AARS1: variants seen among roughly 807,000 people sequenced by gnomAD.
AARS1 encodes alanine--tRNA ligase, cytoplasmic.
Under a neutral mutation model 108.9 loss-of-function variants are expected in AARS1, and 72 were observed. The observed-to-expected ratio is 0.66, with a 90% CI of 0.55 to 0.80. The LOEUF is 0.80. Among genes scored for constraint, AARS1 ranks in the 30% least tolerant of loss-of-function variants. AARS1 has a pLI of 0.00. For missense variants in AARS1, 1,193 were observed against 1,233.2 expected (o/e 0.97, Z 0.49); for synonymous variants, 489 against 465.7 (o/e 1.05, Z -0.64).
intron 16 of AARS1, among the ~76,000 whole-genome samples, chr16:70,255,065 C>A (rs1959947596): frequency 6.6e-6 from 1 of 152,174 alleles, no homozygotes; most frequent in East Asian, 1.9e-4. Context: ...CCATCCTCTA[C>A]TGCACGGCCT....
intron 11 of AARS1, among the ~76,000 whole-genome samples, chr16:70,263,902 G>A (rs1960204463): frequency 6.6e-6 from 1 of 152,102 alleles, no homozygotes; most frequent in Non-Finnish European, 1.5e-5. Context: ...ATCCCGAAGT[G>A]CTGGGATTAC....
intron 11 of AARS1, 68 bp from the exon 12 acceptor site, chr16:70,262,592 C>T (rs979254152): frequency 1.3e-5 from 19 of 1,487,350 alleles, no homozygotes; most frequent in Non-Finnish European, 1.1e-5. Context: ...TCTTGGCTGA[C>T]TTTTGCTGGA....
rs147048285 is a variant in AARS1, at chr16:70,260,631, G to A, written c.1785+413C>T. On this transcript the variant is annotated intron_variant, in intron 13 of 20. Coordinates refer to ENST00000261772, the MANE Select transcript of AARS1 (RefSeq NM_001605.3). ...CAAATGCACCTAAATTAACCCCTGCGGTCTACTTACACTAGGGAGTGATAA... is the reference window on the plus strand; with the variant it reads ...CAAATGCACCTAAATTAACCCCTGCAGTCTACTTACACTAGGGAGTGATAA... Among the ~76,000 whole-genome samples the A allele has an allele frequency of 4.2e-3, 627 of 148,778 alleles. 4 individuals are homozygous for A. Among genetic ancestry groups the A allele is most frequent in the African/African-American group, 0.016 (593 of 38,214 alleles).
intron 12 of AARS1, 180 bp from the exon 13 acceptor site, chr16:70,261,337 T>G (rs527731704): frequency 1.4e-5 from 7 of 483,100 alleles, no homozygotes; most frequent in South Asian, 1.1e-4. Flanking sequence ...GGCTCATGAC[T>G]GTAATCCCAG....
At chr16:70,266,239 G>A (rs989066937) in intron 9 of AARS1, among the ~76,000 whole-genome samples, 55 of 152,156 alleles carry the variant, frequency 3.6e-4, no homozygotes, top group Non-Finnish European at 4.9e-4. Context: ...GCGTGAACCC[G>A]GGAGGTGGAG....
rs776244452 is a variant in AARS1 at position 70,261,070 on chromosome 16, C to G, written c.1759G>C (p.Asp587His). The G allele has an allele frequency of 6.2e-7, 1 of 1,613,614 alleles. No individual in the cohort carries two copies. Among genetic ancestry groups the G allele is most frequent in the South Asian group, 1.1e-5 (1 of 91,068 alleles). ...GTIYGDLKVGDQVWLFIDEPR... is the reference protein window; with the variant it reads ...GTIYGDLKVGHQVWLFIDEPR... ...TCATCAATAAACAGCCAGACCTGATCCCCCACTTTCAGGTCACCGTAGATG... is the reference window on the plus strand; with the variant it reads ...TCATCAATAAACAGCCAGACCTGATGCCCCACTTTCAGGTCACCGTAGATG... The change falls in exon 13 of 21, where the codon GAT becomes CAT. Residue 587 changes from aspartate to histidine, a missense_variant. Asp to His is a moderately conservative substitution (Grantham distance 81). Coordinates refer to ENST00000261772, the MANE Select transcript of AARS1 (RefSeq NM_001605.3).
At position 70,262,511 on chromosome 16, in the gene AARS1, T is replaced by C. The variant is rs752206112; in HGVS notation, c.1506A>G (p.Thr502=). The C allele has an allele frequency of 1.9e-6, 3 of 1,613,128 alleles. No individual in the cohort carries two copies. The highest frequency in any genetic ancestry group is 2.2e-5 in the South Asian group (2 of 91,070). The change falls in exon 12 of 21, where the codon ACA becomes ACG. Residue 502 remains threonine (T), a synonymous_variant. Transcript: ENST00000261772. ...DSSGSYVFEN[T]VATVMALRRE... ...TGCGCAGAGCCATCACCGTAGCCAC[T>C]GTGTTCTCAAATACTGCTCAAGGGA... is the stretch of plus-strand genomic sequence containing the variant.
At chr16:70,262,995 A>AAAAAAAAAAAAAAAAAAC (rs1174659809) in intron 11 of AARS1, among the ~76,000 whole-genome samples, 2 of 128,676 alleles carry the variant, frequency 1.6e-5, no homozygotes, top group Non-Finnish European at 1.5e-5. Flanking sequence ...AAAAAAAAAA[A>AAAAAAAAAAAAAAAAAAC]AAACAACAAC....
chr16:70,265,082 T>A lies in AARS1; in HGVS notation c.1368A>T (p.Gly456=). 6.2e-7 allele frequency: 1 copy of A among 1,614,030 alleles called. No individual in the cohort carries two copies. The highest frequency in any genetic ancestry group is 1.7e-5 in the Admixed American group (1 of 59,988). Residue 456 remains glycine, a synonymous_variant, in exon 11 of 21, where the codon GGA becomes GGT. Transcript: ENST00000261772. ...GCATAATGAGGTCTTCCCCACCAGC[T>A]CCCTTGCCCTGTGATTTCAGCTGTC... ...KLAQLKSQGK[G]AGGEDLIMLD... is the part of the protein sequence containing the mutation.
intron 4 of AARS1, among the ~76,000 whole-genome samples, chr16:70,273,567 A>C (rs1214836315): frequency 6.6e-6 from 1 of 152,010 alleles, no homozygotes; most frequent in Non-Finnish European, 1.5e-5. Context: ...AAAATACAAA[A>C]ATTAGCCAGA....
In AARS1 at chr16:70,271,950, G is replaced by A; in HGVS notation, c.502C>T (p.Pro168Ser). The A allele has an allele frequency of 1.2e-6, 2 of 1,613,718 alleles. No individual in the cohort carries two copies. The highest frequency in any genetic ancestry group is 1.7e-6 in the Non-Finnish European group (2 of 1,179,754). The change falls in exon 5 of 21, where the codon CCA becomes TCA. Residue 168 changes from proline to serine, a missense_variant. Physicochemically the swap from Pro to Ser is moderately conservative, Grantham distance 74 (BLOSUM62 -1). Transcript: ENST00000261772. ...CAGAAGTTATCCTTCATGTTGCCTG[G>A]GAGGATTTTGGTGTCATCCAGCCTG... ...NLGLDDTKILPGNMKDNFWEM... is the reference protein window; with the variant it reads ...NLGLDDTKILSGNMKDNFWEM...
At chr16:70,254,126 C>G in intron 17 of AARS1, 88 bp from the exon 18 acceptor site, 1 of 1,565,192 alleles carries the variant, frequency 6.4e-7, no homozygotes, top group South Asian at 1.1e-5. Context: ...CCAAGTCCTC[C>G]CTGACTAGTG....
Position 70,282,850 on chromosome 16 carries a change from G to C in AARS1, c.-21-66C>G, listed in dbSNP as rs1960738093. ...GAAAGTCAAAGTACACATTACACAA[G>C]ACTTCTGGCTTCTCAAGCCAAGTCA... On this transcript the variant is annotated intron_variant, in intron 1 of 20. Transcript: ENST00000261772. 2.6e-6 allele frequency: 4 copies of C among 1,521,670 alleles called. No homozygotes were observed. In the Admixed American group the frequency reaches 5.0e-5, roughly 19 times the overall value. 94.3% of individuals were successfully genotyped at this position (1,521,670 alleles called of 1,614,324 possible). A position where few individuals can be genotyped will look rare whatever the true frequency, so the allele number is the denominator to read the frequency against.
At chr16:70,259,878 T>C (rs1235207588) in intron 13 of AARS1, among the ~76,000 whole-genome samples, 6 of 152,168 alleles carry the variant, frequency 3.9e-5, no homozygotes, top group Admixed American at 3.9e-4. Context: ...GTTCAAGCGA[T>C]TCTCCTGCCT....
chr16:70,267,050 C>A (rs1408745691), intron 9 of AARS1, among the ~76,000 whole-genome samples: 3 of 151,974 alleles, frequency 2.0e-5, no homozygotes. Context: ...GTTGGGCAGG[C>A]TGGTCTTGAA....
At chr16:70,275,456 A>AAT (rs373859887) in intron 4 of AARS1, among the ~76,000 whole-genome samples, 11 of 151,280 alleles carry the variant, frequency 7.3e-5, no homozygotes, top group East Asian at 2.0e-4. Context: ...TCTACTAAAA[A>AAT]ATATATATAT....
At chr16:70,265,133 C>G (rs757283019) in intron 10 of AARS1, 31 bp from the exon 11 acceptor site, 1 of 1,613,224 alleles carries the variant, frequency 6.2e-7, no homozygotes, top group Non-Finnish European at 8.5e-7. Flanking sequence ...CATAAGTTAC[C>G]GTAAAGTAGG....
intron 15 of AARS1, among the ~76,000 whole-genome samples, chr16:70,257,714 T>G (rs1244707875): frequency 3.3e-5 from 5 of 152,202 alleles, no homozygotes; most frequent in Non-Finnish European, 7.3e-5. Context: ...ACTCCAGGCC[T>G]TGCTGAATCC....
intron 13 of AARS1, among the ~76,000 whole-genome samples, chr16:70,259,734 C>G (rs180898553): frequency 1.3e-5 from 2 of 152,108 alleles, no homozygotes; most frequent in Non-Finnish European, 2.9e-5. Context: ...AATCCTCCCA[C>G]CTCAGCCTCC....
Sources: gnomAD v4.1 joint callset for allele counts (sites outside exome capture counted in the v4.1 genomes callset) on GRCh38, gnomAD v4.1.1 for gene constraint, MANE v1.5 for transcripts, NCBI Gene and HGNC (gene_info 2026-07-23, HGNC 2026-07-21) for gene names.